Variants in DMD observed in about 807,000 individuals in gnomAD.
The protein encoded by DMD is mutant dystrophin.
DMD carries 63 observed loss-of-function variants against 330.1 expected under a neutral mutation model. That is an observed-to-expected ratio of 0.19 (90% CI 0.16 to 0.24). The LOEUF (loss-of-function observed/expected upper bound fraction) is 0.24, where lower values mean the gene tolerates loss of function less well. DMD is among the 10% of genes least tolerant of loss of function. The pLI is 1.00. For missense variants in DMD, 3,344 were observed against 2,684.1 expected (o/e 1.25, Z -5.43); for synonymous variants, 1,223 against 959.8 (o/e 1.27, Z -5.07).
chrX:32,405,089 A>T (rs2147846134), intron 30 of DMD, among the ~76,000 whole-genome samples: 1 of 111,755 alleles, frequency 8.9e-6, no homozygotes, highest in African/African-American at 3.2e-5. Context: ...GTCGTATGAA[A>T]AATACTCTGG....
At chrX:33,309,111 C>G (rs2053809617) in intron 1 of DMD, among the ~76,000 whole-genome samples, 1 of 111,367 alleles carries the variant, frequency 9.0e-6, no homozygotes, top group Non-Finnish European at 1.9e-5. Flanking sequence ...CCAAGTCAGA[C>G]TTTTTAATAT....
chrX:31,822,653 G>GGGGTGTGT (rs58903799), intron 49 of DMD, among the ~76,000 whole-genome samples: 5 of 65,809 alleles, frequency 7.6e-5, no homozygotes, highest in Non-Finnish European at 1.3e-4. Flanking sequence ...AAGGCAGAGG[G>GGGGTGTGT]GTGTGTGTGT....
At chrX:31,908,656 C>T (rs1234680123) in intron 47 of DMD, among the ~76,000 whole-genome samples, 3 of 110,513 alleles carry the variant, frequency 2.7e-5, no homozygotes, top group African/African-American at 3.3e-5. Flanking sequence ...GCATGGCCCA[C>T]GCATACCTAT....
chrX:32,632,816 C>T lies in DMD; in HGVS notation c.1331+11316G>A, dbSNP rs187741534. On this transcript the variant is annotated intron_variant, in intron 11 of 78. Coordinates refer to ENST00000357033, the MANE Select transcript of DMD (RefSeq NM_004006.3). ...CCTGGGCCTGGCCCAGGAAACCATT[C>T]TGTCCTCTTAGGCCTCCGGATCTAT... is the stretch of plus-strand genomic sequence containing the variant. Among the ~76,000 whole-genome samples the T allele has an allele frequency of 2.9e-3, 330 of 112,487 alleles. 4 individuals carry two copies. The highest frequency in any genetic ancestry group is 0.01 in the African/African-American group (319 of 30,999).
intron 2 of DMD, among the ~76,000 whole-genome samples, chrX:32,891,641 C>T (rs1344626723): frequency 2.7e-5 from 3 of 111,766 alleles, no homozygotes; most frequent in Non-Finnish European, 3.8e-5. Context: ...CTGTCTGTAC[C>T]TCAATTCTCT....
At chrX:32,139,940 G>A (rs1219812064) in intron 44 of DMD, among the ~76,000 whole-genome samples, 2 of 112,185 alleles carry the variant, frequency 1.8e-5, no homozygotes, top group Non-Finnish European at 3.8e-5. Context: ...TACAAGAAAC[G>A]GAAAACATAG....
chrX:32,491,492 G>T lies in DMD; in HGVS notation c.2407C>A (p.Gln803Lys), dbSNP rs863224986. 5 of 1,208,600 alleles carry T rather than the reference G, an allele frequency of 4.1e-6. No individual in the cohort carries two copies. The African/African-American group carries it at 8.8e-5, about 21-fold the overall frequency. ...NEGVNADSIK[Q>K]ASEQLNSRWI... ...CGGCTGTTCAGTTGTTCTGAGGCTT[G>T]TTTGATGCTATCTGCATTAACACCC... The change falls in exon 20 of 79, where the codon CAA becomes AAA. Residue 803 changes from glutamine (Q) to lysine (K), a missense_variant. Transcript: ENST00000357033.
intron 2 of DMD, among the ~76,000 whole-genome samples, chrX:32,928,404 C>T (rs918341812): frequency 1.1e-3 from 122 of 110,690 alleles, no homozygotes; most frequent in African/African-American, 4.0e-3. Flanking sequence ...TATTTTTCCC[C>T]TTGTCTTTTG....
intron 61 of DMD, among the ~76,000 whole-genome samples, chrX:31,338,928 G>A (rs1447199708): frequency 2.1e-4 from 15 of 70,456 alleles, no homozygotes; most frequent in African/African-American, 7.9e-4. Context: ...TCATTTCTGG[G>A]AAACCATCTA....
chrX:31,493,345 T>C (rs950188815), intron 57 of DMD, among the ~76,000 whole-genome samples: 5 of 112,117 alleles, frequency 4.5e-5, no homozygotes, highest in African/African-American at 1.6e-4. Context: ...TATAGAAAAG[T>C]AGACAATTTT....
chrX:33,235,475 T>C (rs890067099), intron 1 of DMD, among the ~76,000 whole-genome samples: 20 of 112,262 alleles, frequency 1.8e-4, no homozygotes, highest in African/African-American at 6.5e-4. Context: ...TTAAAATCAT[T>C]AGTGTATAGC....
chrX:32,186,840 G>A (rs1262500807), intron 44 of DMD, among the ~76,000 whole-genome samples: 2 of 110,733 alleles, frequency 1.8e-5, no homozygotes, highest in African/African-American at 6.5e-5. Context: ...TTTCTGGCAG[G>A]TGGGGAAGAG....
chrX:31,167,988 G>C (rs1279707787), intron 74 of DMD, among the ~76,000 whole-genome samples: 1 of 112,292 alleles, frequency 8.9e-6, no homozygotes, highest in East Asian at 2.8e-4. Flanking sequence ...TCTGGGAATA[G>C]AGGCAAAAGA....
chrX:32,402,321 G>T (rs1300999733), intron 30 of DMD, among the ~76,000 whole-genome samples: 1 of 111,064 alleles, frequency 9.0e-6, no homozygotes, highest in Admixed American at 9.6e-5. Context: ...ATTCAATAGG[G>T]TTTTAAAAAC....
At chrX:32,683,692 T>G (rs1159019081) in intron 9 of DMD, among the ~76,000 whole-genome samples, 1 of 104,772 alleles carries the variant, frequency 9.5e-6, no homozygotes, top group Admixed American at 1.0e-4. Context: ...TACCTAATGT[T>G]AAATGATGAG....
chrX:32,617,311 C>G (rs150101188), intron 11 of DMD, among the ~76,000 whole-genome samples: 1 of 111,180 alleles, frequency 9.0e-6, no homozygotes, highest in African/African-American at 3.3e-5. Flanking sequence ...GGTCAAAGTA[C>G]GCAACTAGAA....
At chrX:32,086,586 C>T (rs1474693158) in intron 44 of DMD, among the ~76,000 whole-genome samples, 1 of 111,200 alleles carries the variant, frequency 9.0e-6, no homozygotes, top group Non-Finnish European at 1.9e-5. Flanking sequence ...TGGATGTGTT[C>T]ATGATATGAA....
Position 32,774,377 on chromosome X carries a change from C to A in DMD, c.649+35116G>T, listed in dbSNP as rs184391144. Reference sequence around the variant, plus strand: ...GATTCCAAGAGCATCTTAAGTTAATCTGGATTTATTCTTTCTAGGTAGTTC... The same window carrying A: ...GATTCCAAGAGCATCTTAAGTTAATATGGATTTATTCTTTCTAGGTAGTTC... On this transcript the variant is annotated intron_variant, in intron 7 of 78. Coordinates refer to ENST00000357033, the MANE Select transcript of DMD (RefSeq NM_004006.3). 2.9e-3 allele frequency among the ~76,000 whole-genome samples: 326 copies of A among 111,716 alleles called. 2 individuals are homozygous for A. The highest frequency in any genetic ancestry group is 9.8e-3 in the African/African-American group (301 of 30,722).
At chrX:31,975,907 T>C (rs1170413804) in intron 44 of DMD, among the ~76,000 whole-genome samples, 1 of 111,781 alleles carries the variant, frequency 8.9e-6, no homozygotes, top group Non-Finnish European at 1.9e-5. Flanking sequence ...ACTGTAAATA[T>C]TTGATGGAAG....
Sources: gnomAD v4.1 joint callset for allele counts (sites outside exome capture counted in the v4.1 genomes callset) on GRCh38, gnomAD v4.1.1 for gene constraint, MANE v1.5 for transcripts, NCBI Gene and HGNC (gene_info 2026-07-23, HGNC 2026-07-21) for gene names.